The following RSRC1 variants were observed in gnomAD, a reference collection of about 807,000 sequenced individuals.
The protein encoded by RSRC1 is arginine and serine rich coiled-coil 1, also known as serine/Arginine-related protein 53.
Under a neutral mutation model 49.1 loss-of-function variants are expected in RSRC1, and 39 were observed. The observed-to-expected ratio is 0.79, with a 90% confidence interval of 0.61 to 1.04. The LOEUF is 1.04. Ranked by LOEUF, RSRC1 falls within the 50% of genes least tolerant of loss-of-function variation. RSRC1 has a pLI of 0.00. For synonymous variants in RSRC1, 143 were observed against 130.8 expected (o/e 1.09, Z -0.63); for missense variants, 388 against 402.4 (o/e 0.96, Z 0.31).
intron 3 of RSRC1, among the ~76,000 whole-genome samples, chr3:158,137,063 T>C (rs4680415): frequency 0.98 from 149,363 of 152,330 alleles, 73,246 homozygotes; most frequent in East Asian, 1. Flanking sequence ...TCTAACCATG[T>C]ATGCAGTTAA....
At chr3:158,192,372 A>G (rs1407594356) in intron 3 of RSRC1, among the ~76,000 whole-genome samples, 1 of 152,096 alleles carries the variant, frequency 6.6e-6, no homozygotes, top group African/African-American at 2.4e-5. Context: ...ATGAAGATGT[A>G]GGGTGAATAA....
intron 5 of RSRC1, among the ~76,000 whole-genome samples, chr3:158,307,493 G>A (rs917863605): frequency 6.6e-6 from 1 of 151,994 alleles, no homozygotes; most frequent in South Asian, 2.1e-4. Context: ...TAAACAATGT[G>A]TATAAATAGA....
intron 6 of RSRC1, among the ~76,000 whole-genome samples, chr3:158,460,206 A>C (rs1468785025): frequency 1.3e-5 from 2 of 152,068 alleles, no homozygotes; most frequent in East Asian, 3.9e-4. Flanking sequence ...TCAGGCAGTG[A>C]GACGGCAATA....
intron 5 of RSRC1, among the ~76,000 whole-genome samples, chr3:158,337,919 T>C (rs1164525083): frequency 6.6e-6 from 1 of 152,252 alleles, no homozygotes. Flanking sequence ...ACATTTAATC[T>C]GTACAAAATC....
chr3:158,135,150 A>G (rs1716286478), intron 3 of RSRC1, among the ~76,000 whole-genome samples: 1 of 152,194 alleles, frequency 6.6e-6, no homozygotes, highest in African/African-American at 2.4e-5. Flanking sequence ...CTAATAACAT[A>G]ATATTTGAAC....
intron 5 of RSRC1, among the ~76,000 whole-genome samples, chr3:158,341,236 T>A (rs1033680397): frequency 6.6e-5 from 10 of 152,024 alleles, no homozygotes; most frequent in African/African-American, 2.4e-4. Context: ...CTCATGTTAA[T>A]CCCCAAGACC....
chr3:158,184,979 A>G (rs571963998), intron 3 of RSRC1, among the ~76,000 whole-genome samples: 3 of 151,944 alleles, frequency 2.0e-5, no homozygotes, highest in African/African-American at 7.2e-5. Flanking sequence ...TTGATTACAA[A>G]GCACATAGTT....
chr3:158,158,934 G>A (rs1423910688), intron 3 of RSRC1, among the ~76,000 whole-genome samples: 3 of 95,926 alleles, frequency 3.1e-5, no homozygotes, highest in African/African-American at 1.4e-4. Context: ...GTGAGACTCT[G>A]TCTCAAAAAA....
intron 6 of RSRC1, among the ~76,000 whole-genome samples, chr3:158,363,349 T>C (rs1461644367): frequency 6.6e-6 from 1 of 151,676 alleles, no homozygotes; most frequent in African/African-American, 2.4e-5. Context: ...CCACGTCCTC[T>C]GTCTTCTAGG....
chr3:158,123,795 T>G, intron 2 of RSRC1, 71 bp from the exon 3 acceptor site: 1 of 1,389,046 alleles, frequency 7.2e-7, no homozygotes, highest in Non-Finnish European at 9.9e-7. Context: ...CTTTAGAATC[T>G]AGAAGGTTTT....
intron 4 of RSRC1, among the ~76,000 whole-genome samples, chr3:158,211,550 G>T (rs375539674): frequency 1.3e-5 from 2 of 151,940 alleles, no homozygotes; most frequent in South Asian, 2.1e-4. Context: ...TTATAGAAAA[G>T]AATTATTTGC....
At chr3:158,276,298 G>C in intron 4 of RSRC1, 2 of 762,236 alleles carry the variant, frequency 2.6e-6, no homozygotes, top group Non-Finnish European at 2.4e-6. Flanking sequence ...GGCCAGATGG[G>C]GTGGGGAGCC....
intron 3 of RSRC1, among the ~76,000 whole-genome samples, chr3:158,149,073 T>C (rs6803342): frequency 0.63 from 96,105 of 152,120 alleles, 30,982 homozygotes; most frequent in African/African-American, 0.73. Context: ...CGTGAGCCAC[T>C]GCGCCCAGTC....
At chr3:158,382,348 TA>T (rs1207393545) in intron 6 of RSRC1, among the ~76,000 whole-genome samples, 2 of 152,164 alleles carry the variant, frequency 1.3e-5, no homozygotes, top group African/African-American at 4.8e-5. Context: ...AAAATAATGA[TA>T]AAAAGTATAG....
At chr3:158,491,861 A>C (rs9812624) in intron 7 of RSRC1, among the ~76,000 whole-genome samples, 79,004 of 151,938 alleles carry the variant, frequency 0.52, 21,095 homozygotes, top group African/African-American at 0.64. Flanking sequence ...TTTTTATATA[A>C]AATATGAAAA....
intron 3 of RSRC1, among the ~76,000 whole-genome samples, chr3:158,161,530 G>A (rs1718217106): frequency 6.6e-6 from 1 of 152,176 alleles, no homozygotes; most frequent in Admixed American, 6.5e-5. Context: ...GGGAGGCTGA[G>A]GCAGGTGGAT....
chr3:158,347,144 C>A lies in RSRC1; in HGVS notation c.532-7713C>A, dbSNP rs1730599819. Among the ~76,000 whole-genome samples the A allele has an allele frequency of 2.0e-5, 3 of 152,124 alleles. No individual in the cohort carries two copies. The South Asian group carries it at 6.2e-4, about 31-fold the overall frequency. ...TTTTAGTAAATAGTAAATAGTATTT[C>A]TTTTTTTACATTGTTATTTTGACTC... On this transcript the variant is annotated intron_variant, in intron 5 of 9. Transcript: ENST00000611884.
chr3:158,402,950 G>C (rs144714333), intron 6 of RSRC1, among the ~76,000 whole-genome samples: 42 of 151,494 alleles, frequency 2.8e-4, no homozygotes, highest in Middle Eastern at 3.4e-3. Flanking sequence ...ACAATATTCA[G>C]CTGTTTGTAG....
chr3:158,533,877 A>G (rs1712561473), intron 7 of RSRC1, among the ~76,000 whole-genome samples: 1 of 151,632 alleles, frequency 6.6e-6, no homozygotes, highest in Non-Finnish European at 1.5e-5. Flanking sequence ...ATCTACTTGT[A>G]TGGGATGTGT....
Sources: gnomAD v4.1 joint callset for allele counts (sites outside exome capture counted in the v4.1 genomes callset) on GRCh38, gnomAD v4.1.1 for gene constraint, MANE v1.5 for transcripts, NCBI Gene and HGNC (gene_info 2026-07-23, HGNC 2026-07-21) for gene names.